NTRK3: variants seen among roughly 807,000 people sequenced by gnomAD.
NTRK3 encodes NT-3 growth factor receptor.
A neutral mutation model predicts 91.7 loss-of-function variants in NTRK3; 24 were observed. The observed-to-expected ratio is 0.26, with a 90% CI of 0.19 to 0.37. NTRK3 has a LOEUF of 0.37. NTRK3 is among the 10% of genes least tolerant of loss of function. The pLI is 1.00. For synonymous variants in NTRK3, 483 were observed against 404.0 expected (o/e 1.20, Z -2.34); for missense variants, 880 against 1,068.9 (o/e 0.82, Z 2.46).
At chr15:88,191,249 G>A (rs2047364609) in intron 3 of NTRK3, among the ~76,000 whole-genome samples, 1 of 151,588 alleles carries the variant, frequency 6.6e-6, no homozygotes, top group African/African-American at 2.4e-5. Flanking sequence ...CTGGAGTGCA[G>A]TGATCTCAGC....
chr15:88,193,526 C>G (rs550937237), intron 3 of NTRK3, among the ~76,000 whole-genome samples: 1 of 152,276 alleles, frequency 6.6e-6, no homozygotes, highest in South Asian at 2.1e-4. Context: ...TTTCCTGTCC[C>G]TACATGACTA....
chr15:87,955,376 C>T (rs2141150907), intron 14 of NTRK3, among the ~76,000 whole-genome samples: 1 of 152,352 alleles, frequency 6.6e-6, no homozygotes, highest in South Asian at 2.1e-4. Context: ...GGGGCCTTTG[C>T]TCAGCTTACA....
At position 88,255,314 on chromosome 15, in the gene NTRK3, C is replaced by A. The variant is rs1312223403; in HGVS notation, c.248+592G>T. Among the ~76,000 whole-genome samples, 11 of 152,072 alleles carry A rather than the reference C, an allele frequency of 7.2e-5. No individual in the cohort carries two copies. Among genetic ancestry groups the A allele is most frequent in the Admixed American group, 7.2e-4 (11 of 15,272 alleles). On this transcript the variant is annotated intron_variant, in intron 3 of 18. Transcript: ENST00000394480. The surrounding 1 kb of genome is among the most constrained non-coding windows in gnomAD (Gnocchi z 4.3). ...GCAGGAGGGGAAGGGAAGAGGTAGG[C>A]GTCCATGACGGCCTCCACACGTCCA... is the stretch of plus-strand genomic sequence containing the variant.
Position 88,145,755 on chromosome 15 carries a change from G to A in NTRK3, c.464+1580C>T, listed in dbSNP as rs536446381. On this transcript the variant is annotated intron_variant, in intron 6 of 18. Transcript: ENST00000394480. Reference sequence around the variant, plus strand: ...TGGCCTCCTGAGATGAAGGGACTACGGGTTCCAGAATAATTACATGCAAGA... The same window carrying A: ...TGGCCTCCTGAGATGAAGGGACTACAGGTTCCAGAATAATTACATGCAAGA... 5.3e-5 allele frequency among the ~76,000 whole-genome samples: 8 copies of A among 152,238 alleles called. No homozygotes were observed. In the East Asian group the frequency reaches 7.7e-4, roughly 15 times the overall value.
At chr15:88,021,791 C>T (rs1262630319) in intron 14 of NTRK3, among the ~76,000 whole-genome samples, 1 of 152,162 alleles carries the variant, frequency 6.6e-6, no homozygotes, top group Admixed American at 6.5e-5. Context: ...TTTGGGACAT[C>T]TGTCATAAGG....
intron 5 of NTRK3, among the ~76,000 whole-genome samples, chr15:88,181,819 T>A (rs766950485): frequency 2.6e-5 from 4 of 152,206 alleles, no homozygotes; most frequent in African/African-American, 9.6e-5. Context: ...TGATGACTGG[T>A]TGCCTCTTTG....
intron 14 of NTRK3, among the ~76,000 whole-genome samples, chr15:87,970,690 A>G (rs1484708206): frequency 6.6e-6 from 1 of 152,228 alleles, no homozygotes; most frequent in Non-Finnish European, 1.5e-5. Flanking sequence ...ATTGTGCAAC[A>G]TTCTCCAAAG....
At chr15:88,072,165 T>C (rs2047148888) in intron 13 of NTRK3, among the ~76,000 whole-genome samples, 1 of 151,828 alleles carries the variant, frequency 6.6e-6, no homozygotes, top group South Asian at 2.1e-4. Flanking sequence ...CCACCATGCC[T>C]GGCTAATTTT....
At chr15:88,199,146 G>A (rs966148712) in intron 3 of NTRK3, among the ~76,000 whole-genome samples, 4 of 152,152 alleles carry the variant, frequency 2.6e-5, no homozygotes, top group African/African-American at 9.7e-5. Context: ...TGGAATGGCT[G>A]GTAGACTGGA....
At chr15:87,874,178 AT>A in exon 19 of NTRK3, 2 of 70,388 alleles carry the variant, frequency 2.8e-5, no homozygotes, top group East Asian at 2.0e-4. Flanking sequence ...CCATGGCCCT[AT>A]TTTCTGCCTC....
exon 19 of NTRK3, chr15:87,875,077 T>C: frequency 4.3e-6 from 1 of 230,362 alleles, no homozygotes; most frequent in Non-Finnish European, 8.6e-6. Flanking sequence ...CACAAACACA[T>C]AATTCAGTAC....
intron 3 of NTRK3, among the ~76,000 whole-genome samples, chr15:88,190,415 T>G (rs1255874717): frequency 7.2e-5 from 11 of 152,228 alleles, no homozygotes; most frequent in Non-Finnish European, 1.6e-4. Flanking sequence ...ACGACCAGCC[T>G]AATGAGCCTG....
intron 14 of NTRK3, among the ~76,000 whole-genome samples, chr15:87,961,120 G>T (rs1350861478): frequency 6.6e-6 from 1 of 152,084 alleles, no homozygotes; most frequent in African/African-American, 2.4e-5. Context: ...GATGAGATGG[G>T]GTACTCACTT....
At chr15:88,088,527 C>T (rs2048715837) in intron 13 of NTRK3, among the ~76,000 whole-genome samples, 1 of 152,058 alleles carries the variant, frequency 6.6e-6, no homozygotes, top group African/African-American at 2.4e-5. Context: ...ATTGTAATAA[C>T]ATGTTGTAAC....
intron 14 of NTRK3, among the ~76,000 whole-genome samples, chr15:88,027,289 A>C (rs2078116179): frequency 6.6e-6 from 1 of 152,232 alleles, no homozygotes. Context: ...TAAAGATCGC[A>C]TAAGAAAAAA....
chr15:88,182,150 C>T (rs973852735), intron 5 of NTRK3, among the ~76,000 whole-genome samples: 3 of 152,098 alleles, frequency 2.0e-5, no homozygotes, highest in African/African-American at 7.2e-5. Flanking sequence ...ACACCTGGCC[C>T]TGAACAGTGA....
chr15:88,242,672 A>T (rs569044802), intron 3 of NTRK3, among the ~76,000 whole-genome samples: 1 of 152,114 alleles, frequency 6.6e-6, no homozygotes, highest in Non-Finnish European at 1.5e-5. Flanking sequence ...GCTAGGATGA[A>T]AGGGGGTAGA....
At chr15:88,018,900 C>G (rs2077419924) in intron 14 of NTRK3, among the ~76,000 whole-genome samples, 1 of 152,020 alleles carries the variant, frequency 6.6e-6, no homozygotes, top group South Asian at 2.1e-4. Context: ...TAATGCATTT[C>G]TTTATTTTTT....
In NTRK3 at chr15:88,237,329, A is replaced by C. The variant is rs1348897387; in HGVS notation, c.248+18577T>G. On this transcript the variant is annotated intron_variant, in intron 3 of 18. Coordinates refer to ENST00000394480, the Ensembl canonical transcript of NTRK3. The surrounding 1 kb of genome is among the most constrained non-coding windows in gnomAD (Gnocchi z 4.0). ...GATCCTATGTATTTACATGTCCCAAAGAAAACAATTCCATAGCCCTATTTT... is the reference window on the plus strand; with the variant it reads ...GATCCTATGTATTTACATGTCCCAACGAAAACAATTCCATAGCCCTATTTT... Among the ~76,000 whole-genome samples the C allele has an allele frequency of 1.3e-5, 2 of 152,194 alleles. No homozygotes were observed. Among genetic ancestry groups the C allele is most frequent in the Non-Finnish European group, 2.9e-5 (2 of 68,032 alleles).
Sources: gnomAD v4.1 joint callset for allele counts (sites outside exome capture counted in the v4.1 genomes callset) on GRCh38, gnomAD v4.1.1 for gene constraint, Gnocchi (gnomAD v3.1) non-coding constraint, MANE v1.5 for transcripts, NCBI Gene and HGNC (gene_info 2026-07-23, HGNC 2026-07-21) for gene names.